TMIGD1: variants seen among roughly 807,000 people sequenced by gnomAD.
The protein encoded by TMIGD1 is transmembrane and immunoglobulin domain containing 1, also known as transmembrane and immunoglobulin domain-containing protein 1.
A neutral mutation model predicts 27.5 loss-of-function variants in TMIGD1; 29 were observed. The ratio of observed to expected loss-of-function variants is 1.05; its 90% CI spans 0.78 to 1.44. The LOEUF (loss-of-function observed/expected upper bound fraction) is 1.44, where lower values mean the gene tolerates loss of function less well. Among genes scored for constraint, TMIGD1 ranks in the 40% most tolerant of loss-of-function variants. The pLI, the probability that TMIGD1 is intolerant of heterozygous loss-of-function variation, is 0.00. For synonymous variants in TMIGD1, 109 were observed against 110.3 expected, an observed-to-expected ratio of 0.99 and a Z score of 0.07; for missense variants, 334 against 310.6, an observed-to-expected ratio of 1.08 and a Z score of -0.57.
At chr17:30,333,158 G>A (rs150884725) in intron 1 of TMIGD1, among the ~76,000 whole-genome samples, 1 of 152,014 alleles carries the variant, frequency 6.6e-6, no homozygotes, top group African/African-American at 2.4e-5. Flanking sequence ...GCTGGGTGCA[G>A]TGGCTCATGC....
Position 30,329,234 on chromosome 17 carries a change from CT to C in TMIGD1, c.361+16del, listed in dbSNP as rs758012473. 1.2e-6 allele frequency: 2 copies of C among 1,609,180 alleles called. No homozygotes were observed. Among genetic ancestry groups the C allele is most frequent in the South Asian group, 2.2e-5 (2 of 90,892 alleles). ...GACATTACAGACCCACTAGCTGTTT[CT>C]TTTCCCCTCACTCACAAGTAACATT... On this transcript the variant is annotated intron_variant, in intron 3 of 6. Coordinates refer to ENST00000328886, the MANE Select transcript of TMIGD1 (RefSeq NM_206832.3).
chr17:30,319,261 A>AAAAAAAAAAAAAAAAATATATAT, intron 4 of TMIGD1, among the ~76,000 whole-genome samples: 1 of 69,042 alleles, frequency 1.4e-5, no homozygotes, highest in Non-Finnish European at 2.6e-5. Context: ...AAAAAAAAAA[A>AAAAAAAAAAAAAAAAATATATAT]ATATATATAT....
Position 30,329,549 on chromosome 17 carries a change from CT to C in TMIGD1, c.83-21del. ...CAGAACCTGGGAGTATAGGGAGAAA[CT>C]ATTTAGATATACAGAGTAAACAACC... is the stretch of plus-strand genomic sequence containing the variant. On this transcript the variant is annotated intron_variant, in intron 2 of 6. Transcript: ENST00000328886. The C allele has an allele frequency of 6.3e-7, 1 of 1,599,058 alleles. No homozygotes were observed. Among genetic ancestry groups the C allele is most frequent in the East Asian group, 2.2e-5 (1 of 44,522 alleles).
Position 30,316,603 on chromosome 17 carries a change from T to C in TMIGD1, c.*84A>G. 1 of 1,373,496 alleles carries C rather than the reference T, an allele frequency of 7.3e-7. No homozygotes were observed. The highest frequency in any genetic ancestry group is 1.0e-6 in the Non-Finnish European group (1 of 977,386). 85.1% of individuals were successfully genotyped at this position (1,373,496 alleles called of 1,614,324 possible). A position where few individuals can be genotyped will look rare whatever the true frequency, so the allele number is the denominator to read the frequency against. ...GGAGTGACAGGAGTGAATTTAATAA[T>C]AGCAATAAATACAGATGGGACTACA... On this transcript the variant is annotated 3_prime_UTR_variant, in exon 7 of 7. Transcript: ENST00000328886.
At chr17:30,318,698 C>G (rs1279355688) in intron 5 of TMIGD1, 112 bp downstream of exon 5, 6 of 669,580 alleles carry the variant, frequency 9.0e-6, no homozygotes, top group Non-Finnish European at 1.6e-5. Flanking sequence ...GTATAAAGAC[C>G]AGATTTGACT....
At chr17:30,319,261 A>AAAATATATATAT in intron 4 of TMIGD1, among the ~76,000 whole-genome samples, 10 of 69,046 alleles carry the variant, frequency 1.4e-4, no homozygotes, top group African/African-American at 4.5e-4. Context: ...AAAAAAAAAA[A>AAAATATATATAT]ATATATATAT....
chr17:30,317,083 C>A, intron 6 of TMIGD1, 110 bp downstream of exon 6: 5 of 1,261,204 alleles, frequency 4.0e-6, no homozygotes, highest in Non-Finnish European at 3.5e-6. Context: ...CTCCTTTGAA[C>A]CCCTTCCCCT....
intron 4 of TMIGD1, 77 bp downstream of exon 4, chr17:30,324,739 A>G (rs2143156518): frequency 6.7e-7 from 1 of 1,502,536 alleles, no homozygotes; most frequent in Non-Finnish European, 9.1e-7. Context: ...ATTATCATTT[A>G]TTGTCACCAG....
At chr17:30,319,871 A>C (rs1262092563) in intron 4 of TMIGD1, among the ~76,000 whole-genome samples, 1 of 152,054 alleles carries the variant, frequency 6.6e-6, no homozygotes, top group Non-Finnish European at 1.5e-5. Context: ...GTAGGACTCT[A>C]AGCATGAGCC....
intron 5 of TMIGD1, 97 bp downstream of exon 5, chr17:30,318,713 C>G (rs148997824): frequency 3.6e-6 from 3 of 830,436 alleles, no homozygotes; most frequent in Non-Finnish European, 5.8e-6. Context: ...TTGACTTTGC[C>G]AAGAAGGGTT....
At chr17:30,329,229 T>C in intron 3 of TMIGD1, 22 bp downstream of exon 3, 1 of 1,608,446 alleles carries the variant, frequency 6.2e-7, no homozygotes, top group Non-Finnish European at 8.5e-7. Context: ...ACCCACTAGC[T>C]GTTTCTTTTC....
At position 30,324,819 on chromosome 17, in the gene TMIGD1, T is replaced by C; in HGVS notation, c.637A>G (p.Lys213Glu). ...TATTACTTAAAAAGAGCATTACCTT[T>C]AACAATCAGGTGAAAGTCCAAGCTC... ...TESLDFHLIV[K>E]DKTVGVPIEP... The change falls in exon 4 of 7, where the codon AAA becomes GAA. Residue 213 changes from lysine (K) to glutamate (E), a missense_variant. Coordinates refer to ENST00000328886, the MANE Select transcript of TMIGD1 (RefSeq NM_206832.3). 1 of 1,613,724 alleles carries C rather than the reference T, an allele frequency of 6.2e-7. No individual in the cohort carries two copies. Among genetic ancestry groups the C allele is most frequent in the Non-Finnish European group, 8.5e-7 (1 of 1,179,640 alleles).
intron 4 of TMIGD1, among the ~76,000 whole-genome samples, chr17:30,322,691 C>T (rs1276898037): frequency 2.0e-5 from 3 of 151,992 alleles, no homozygotes; most frequent in Non-Finnish European, 4.4e-5. Flanking sequence ...TTAGTAGAGA[C>T]GGGTTTCACC....
intron 2 of TMIGD1, among the ~76,000 whole-genome samples, chr17:30,329,948 G>A (rs1909921799): frequency 6.6e-6 from 1 of 151,880 alleles, no homozygotes; most frequent in African/African-American, 2.4e-5. Context: ...AGCCAGGCAT[G>A]GTGGTGTGCA....
At chr17:30,316,723 G>A (rs193138702) in intron 6 of TMIGD1, 33 bp from the exon 7 acceptor site, 3 of 1,605,356 alleles carry the variant, frequency 1.9e-6, no homozygotes, top group African/African-American at 1.3e-5. Context: ...TAATAATGAT[G>A]CTCATAGCAA....
chr17:30,329,491 T>G lies in TMIGD1; in HGVS notation c.121A>C (p.Ile41Leu), dbSNP rs746947182. The change falls in exon 3 of 7, where the codon ATC becomes CTC. Residue 41 changes from isoleucine (I) to leucine (L), a missense_variant. By Grantham distance (5) the Ile-to-Leu change is conservative (BLOSUM62 2). Coordinates refer to ENST00000328886, the MANE Select transcript of TMIGD1 (RefSeq NM_206832.3). ...TGGGAGCCAGGTGTAGTATCCAGGA[T>G]ATAGTTCTCAGTTTTACCATTCACA... The part of the protein sequence containing the change: ...LTVNGKTENY[I>L]LDTTPGSQAS... The G allele has an allele frequency of 1.9e-6, 3 of 1,613,668 alleles. No individual in the cohort carries two copies. Among genetic ancestry groups the G allele is most frequent in the Non-Finnish European group, 2.5e-6 (3 of 1,179,768 alleles).
intron 3 of TMIGD1, among the ~76,000 whole-genome samples, chr17:30,327,111 A>G (rs760660932): frequency 9.2e-5 from 14 of 152,186 alleles, no homozygotes; most frequent in Non-Finnish European, 8.8e-5. Context: ...AGATTGTTAT[A>G]AACAGAATTT....
intron 3 of TMIGD1, among the ~76,000 whole-genome samples, chr17:30,328,968 C>CAAAAA (rs34701131): frequency 1.2e-5 from 1 of 86,892 alleles, no homozygotes; most frequent in Non-Finnish European, 2.2e-5. Context: ...GACTCTGTCT[C>CAAAAA]AAAAAAAAAA....
At chr17:30,327,620 C>T (rs1413902196) in intron 3 of TMIGD1, among the ~76,000 whole-genome samples, 4 of 151,322 alleles carry the variant, frequency 2.6e-5, no homozygotes, top group African/African-American at 7.3e-5. Context: ...AATGCAGTGG[C>T]GCAATCACAG....
Sources: gnomAD v4.1 joint callset for allele counts (sites outside exome capture counted in the v4.1 genomes callset) on GRCh38, gnomAD v4.1.1 for gene constraint, MANE v1.5 for transcripts, NCBI Gene and HGNC (gene_info 2026-07-23, HGNC 2026-07-21) for gene names.